The following TMEM154 variants were observed in gnomAD, a reference collection of about 807,000 sequenced individuals.
TMEM154 encodes the protein transmembrane protein 154.
In TMEM154, 27 loss-of-function variants were observed where a neutral mutation model predicts 24.5. The ratio of observed to expected loss-of-function variants is 1.10; its 90% confidence interval spans 0.81 to 1.52. The LOEUF is 1.52. Among genes scored for constraint, TMEM154 ranks in the 40% most tolerant of loss-of-function variants. The pLI is 0.00. For missense variants in TMEM154, 228 were observed against 213.4 expected, an observed-to-expected ratio of 1.07 and a Z score of -0.43; for synonymous variants, 67 against 76.8, an observed-to-expected ratio of 0.87 and a Z score of 0.67.
intron 6 of TMEM154, among the ~76,000 whole-genome samples, chr4:152,630,633 C>T (rs973706643): frequency 1.3e-5 from 2 of 152,194 alleles, no homozygotes; most frequent in South Asian, 2.1e-4. Context: ...GCAAAGCCCT[C>T]TTTTGTCCAC....
At chr4:152,641,947 G>A (rs1408211487) in intron 5 of TMEM154, among the ~76,000 whole-genome samples, 1 of 98,608 alleles carries the variant, frequency 1.0e-5, no homozygotes, top group Admixed American at 1.4e-4. Flanking sequence ...TGTTGAGATG[G>A]AGTCTCGCTC....
At chr4:152,646,955 T>TCACA (rs1345990514) in intron 3 of TMEM154, 1 of 703,852 alleles carries the variant, frequency 1.4e-6, no homozygotes, top group East Asian at 2.7e-5. Flanking sequence ...CAGAGAGACC[T>TCACA]CACACATCAA....
chr4:152,643,055 A>G (rs1272694045), intron 5 of TMEM154, 33 bp downstream of exon 5: 1 of 1,534,330 alleles, frequency 6.5e-7, no homozygotes, highest in South Asian at 1.2e-5. Context: ...ACTAGAGAGG[A>G]AAGAAAAAAA....
At chr4:152,636,303 C>T (rs1752147615) in intron 6 of TMEM154, among the ~76,000 whole-genome samples, 1 of 152,238 alleles carries the variant, frequency 6.6e-6, no homozygotes, top group Non-Finnish European at 1.5e-5. Context: ...GGGCAGACCC[C>T]TCCTAGCACC....
At chr4:152,640,901 G>A (rs2149780354) in intron 6 of TMEM154, 27 bp downstream of exon 6, 1 of 1,356,420 alleles carries the variant, frequency 7.4e-7, no homozygotes, top group Middle Eastern at 1.8e-4. Context: ...CCATATACAT[G>A]TAATCTGTGG....
chr4:152,675,981 C>T (rs1403657206), intron 1 of TMEM154, among the ~76,000 whole-genome samples: 1 of 152,132 alleles, frequency 6.6e-6, no homozygotes, highest in Non-Finnish European at 1.5e-5. Flanking sequence ...AGTATTTGGT[C>T]GTAATGGCCA....
intron 1 of TMEM154, among the ~76,000 whole-genome samples, chr4:152,654,022 A>G (rs1728442280): frequency 6.6e-6 from 1 of 150,774 alleles, no homozygotes; most frequent in African/African-American, 2.4e-5. Context: ...CTAGGCAACA[A>G]GAGCGACACT....
chr4:152,638,932 T>C (rs72721663), intron 6 of TMEM154, among the ~76,000 whole-genome samples: 14,710 of 152,186 alleles, frequency 0.097, 893 homozygotes, highest in African/African-American at 0.16. Context: ...GCTCATTTTC[T>C]CATTATTTCA....
At chr4:152,647,123 C>A in intron 3 of TMEM154, 1 of 1,447,808 alleles carries the variant, frequency 6.9e-7, no homozygotes, top group Non-Finnish European at 9.3e-7. Flanking sequence ...TGGCCAAGTC[C>A]TCTCCCATTG....
intron 3 of TMEM154, among the ~76,000 whole-genome samples, chr4:152,649,125 G>C (rs1728324256): frequency 6.6e-6 from 1 of 152,242 alleles, no homozygotes; most frequent in Non-Finnish European, 1.5e-5. Context: ...CACAGAGACA[G>C]TGAGGTGGGC....
chr4:152,641,794 T>C (rs1752261960), intron 5 of TMEM154, among the ~76,000 whole-genome samples: 1 of 151,464 alleles, frequency 6.6e-6, no homozygotes, highest in Non-Finnish European at 1.5e-5. Flanking sequence ...TAGAATGGCT[T>C]TACAGAGTCC....
At chr4:152,651,927 C>T (rs1008231994) in intron 3 of TMEM154, among the ~76,000 whole-genome samples, 9 of 152,132 alleles carry the variant, frequency 5.9e-5, no homozygotes, top group African/African-American at 2.2e-4. Flanking sequence ...TATGAATTGG[C>T]CTAATTTCAA....
At chr4:152,641,169 A>T in intron 5 of TMEM154, 184 bp from the exon 6 acceptor site, 1 of 542,864 alleles carries the variant, frequency 1.8e-6, no homozygotes, top group Middle Eastern at 4.7e-4. Flanking sequence ...TGGAAAAAGC[A>T]CTAATAACAC....
intron 1 of TMEM154, among the ~76,000 whole-genome samples, chr4:152,661,025 C>G (rs1258960500): frequency 1.3e-5 from 2 of 152,174 alleles, no homozygotes; most frequent in African/African-American, 2.4e-5. Context: ...ATGGGGACAT[C>G]TAGACAATCG....
intron 1 of TMEM154, among the ~76,000 whole-genome samples, chr4:152,679,536 G>GT (rs11387677): frequency 0.76 from 114,539 of 150,538 alleles, 47,165 homozygotes; most frequent in East Asian, 0.96. Context: ...TGAAGCTTTT[G>GT]TTTTTTTTTA....
rs1752250488 is a variant in TMEM154, at chr4:152,641,169, A to C, written c.479-184T>G. On this transcript the variant is annotated intron_variant, in intron 5 of 6. Coordinates refer to ENST00000304385, the MANE Select transcript of TMEM154 (RefSeq NM_152680.3). Reference sequence around the variant, plus strand: ...TCAAGGCTCTTGAAATGGAAAAAGCACTAATAACACAGATGCAAAACTTCA... The same window carrying C: ...TCAAGGCTCTTGAAATGGAAAAAGCCCTAATAACACAGATGCAAAACTTCA... 4 of 542,864 alleles carry C rather than the reference A, an allele frequency of 7.4e-6. No homozygotes were observed. In the East Asian group the frequency reaches 1.0e-4, roughly 14 times the overall value. The allele number at this position is 542,864 out of a possible 1,614,324, so 33.6% of individuals were successfully genotyped here.
Position 152,628,370 on chromosome 4 carries a change from A to C in TMEM154, c.*176T>G. 1 of 1,079,452 alleles carries C rather than the reference A, an allele frequency of 9.3e-7. No homozygotes were observed. The highest frequency in any genetic ancestry group is 1.4e-6 in the Non-Finnish European group (1 of 722,760). 66.9% of individuals were successfully genotyped at this position (1,079,452 alleles called of 1,614,324 possible). On this transcript the variant is annotated 3_prime_UTR_variant, in exon 7 of 7. Coordinates refer to ENST00000304385, the MANE Select transcript of TMEM154 (RefSeq NM_152680.3). ...GTACTTCTCAATTGCACATTCTTCC[A>C]AGTGCAAGTGATGCCATCATTAGGA...
At chr4:152,658,188 T>A (rs976215332) in intron 1 of TMEM154, among the ~76,000 whole-genome samples, 9 of 152,096 alleles carry the variant, frequency 5.9e-5, no homozygotes, top group African/African-American at 2.2e-4. Flanking sequence ...TGAATGACCA[T>A]TGAGTCAAGA....
chr4:152,657,491 G>C (rs901493510), intron 1 of TMEM154, among the ~76,000 whole-genome samples: 2 of 152,102 alleles, frequency 1.3e-5, no homozygotes, highest in African/African-American at 4.8e-5. Flanking sequence ...TTTAGCCTCA[G>C]CAACAGAGCC....
Sources: gnomAD v4.1 joint callset for allele counts (sites outside exome capture counted in the v4.1 genomes callset) on GRCh38, gnomAD v4.1.1 for gene constraint, MANE v1.5 for transcripts, NCBI Gene and HGNC (gene_info 2026-07-23, HGNC 2026-07-21) for gene names.